EAF1: variants seen among roughly 807,000 people sequenced by gnomAD.
The protein encoded by EAF1 is ELL-associated factor 1.
Under a neutral mutation model 26.6 loss-of-function variants are expected in EAF1, and 19 were observed. The ratio of observed to expected loss-of-function variants is 0.71; its 90% CI spans 0.50 to 1.05. The LOEUF is 1.05. Ranked by LOEUF, EAF1 falls within the 50% of genes least tolerant of loss-of-function variation. The pLI is 0.00. For synonymous variants in EAF1, 102 were observed against 120.6 expected, an observed-to-expected ratio of 0.85 and a Z score of 1.01; for missense variants, 260 against 335.5, an observed-to-expected ratio of 0.78 and a Z score of 1.76.
At chr3:15,436,089 C>G (rs1000834096) in intron 4 of EAF1, 8 of 303,764 alleles carry the variant, frequency 2.6e-5, no homozygotes, top group African/African-American at 1.7e-4. Flanking sequence ...CACAGAACAG[C>G]CATTATTCTG....
chr3:15,433,870 G>T (rs1243554734), intron 3 of EAF1, among the ~76,000 whole-genome samples: 3 of 152,122 alleles, frequency 2.0e-5, no homozygotes, highest in African/African-American at 7.2e-5. Flanking sequence ...TCAAGTAGGG[G>T]GAATGACTGA....
rs1049703756 is a variant in EAF1 at position 15,442,219 on chromosome 3, G to A, written c.*3064G>A. 1 of 152,300 alleles carries A rather than the reference G, an allele frequency of 6.6e-6. No homozygotes were observed. Among genetic ancestry groups the A allele is most frequent in the African/African-American group, 2.4e-5 (1 of 41,300 alleles). 9.4% of individuals were successfully genotyped at this position (152,300 alleles called of 1,614,324 possible). A position where few individuals can be genotyped will look rare whatever the true frequency, so the allele number is the denominator to read the frequency against. On this transcript the variant is annotated 3_prime_UTR_variant, in exon 6 of 6. Coordinates refer to ENST00000396842, the MANE Select transcript of EAF1 (RefSeq NM_033083.7). ...GGCTGGTTCAGCAGGGTGTGTGTGTGTGTGTGTGTGTGTGTGTATGAATGG... is the reference window on the plus strand; with the variant it reads ...GGCTGGTTCAGCAGGGTGTGTGTGTATGTGTGTGTGTGTGTGTATGAATGG...
chr3:15,432,018 C>G (rs2061804923), intron 2 of EAF1, 69 bp from the exon 3 acceptor site: 1 of 1,511,804 alleles, frequency 6.6e-7, no homozygotes, highest in African/African-American at 1.4e-5. Context: ...GTGGAGTCAT[C>G]TATAAATTCA....
intron 3 of EAF1, among the ~76,000 whole-genome samples, chr3:15,433,584 A>G (rs1397629509): frequency 6.6e-6 from 1 of 152,254 alleles, no homozygotes; most frequent in Non-Finnish European, 1.5e-5. Context: ...TTGTTAACTG[A>G]TAGAATATTC....
intron 1 of EAF1, among the ~76,000 whole-genome samples, chr3:15,428,512 CCGGGCT>C (rs1482793305): frequency 6.6e-6 from 1 of 152,164 alleles, no homozygotes; most frequent in Non-Finnish European, 1.5e-5. Flanking sequence ...CCTATACCAC[CCGGGCT>C]TTTCCTCCAG....
chr3:15,434,303 C>G, intron 3 of EAF1, 45 bp from the exon 4 acceptor site: 1 of 1,595,496 alleles, frequency 6.3e-7, no homozygotes, highest in Non-Finnish European at 8.6e-7. Flanking sequence ...AATTTGAGAA[C>G]CACTATTTTT....
chr3:15,435,052 G>A (rs1474952479), intron 4 of EAF1, among the ~76,000 whole-genome samples: 2 of 152,170 alleles, frequency 1.3e-5, no homozygotes, highest in African/African-American at 2.4e-5. Flanking sequence ...GGTAGCTACT[G>A]AACTCCAGCC....
At chr3:15,431,135 A>G (rs963829877) in intron 2 of EAF1, among the ~76,000 whole-genome samples, 26 of 152,238 alleles carry the variant, frequency 1.7e-4, no homozygotes, top group African/African-American at 6.3e-4. Context: ...TATTCTAAGC[A>G]AGGCATTAAA....
chr3:15,435,990 T>G lies in EAF1; in HGVS notation c.527-352T>G, dbSNP rs145290271. ...TTTACATAATATTTGTCTTCTCTTA[T>G]GTGGGAATTATGGTTTTATCCCATA... On this transcript the variant is annotated intron_variant, in intron 4 of 5. Coordinates refer to ENST00000396842, the MANE Select transcript of EAF1 (RefSeq NM_033083.7). 3.7e-4 allele frequency among the ~76,000 whole-genome samples: 57 copies of G among 152,384 alleles called. 1 individual carries two copies. The highest frequency in any genetic ancestry group is 1.3e-3 in the African/African-American group (54 of 41,590).
chr3:15,433,434 T>C (rs905919269), intron 3 of EAF1, among the ~76,000 whole-genome samples: 2 of 152,156 alleles, frequency 1.3e-5, no homozygotes, highest in Admixed American at 6.5e-5. Context: ...CAGTGTGATA[T>C]GGGAACTAAC....
intron 1 of EAF1, among the ~76,000 whole-genome samples, chr3:15,429,349 A>AAC (rs1553632694): frequency 4.8e-4 from 72 of 151,500 alleles, no homozygotes; most frequent in African/African-American, 1.1e-3. Context: ...AAAAAAAAAA[A>AAC]AAACAAAAAA....
chr3:15,429,008 TC>T (rs2061779806), intron 1 of EAF1, among the ~76,000 whole-genome samples: 1 of 152,218 alleles, frequency 6.6e-6, no homozygotes, highest in Non-Finnish European at 1.5e-5. Flanking sequence ...GTTGATGTTT[TC>T]TTTTGGTGAA....
intron 2 of EAF1, among the ~76,000 whole-genome samples, chr3:15,430,453 C>T (rs2061795655): frequency 9.1e-6 from 1 of 110,254 alleles, no homozygotes; most frequent in South Asian, 2.8e-4. Context: ...GAGTGAGACT[C>T]CCCCTCAAAA....
chr3:15,437,665 A>T (rs1474982302), intron 5 of EAF1, among the ~76,000 whole-genome samples: 1 of 152,184 alleles, frequency 6.6e-6, no homozygotes, highest in Admixed American at 6.5e-5. Flanking sequence ...AGGTGAACAG[A>T]GGGCTAATTT....
At chr3:15,436,119 T>A (rs2061833270) in intron 4 of EAF1, 1 of 374,786 alleles carries the variant, frequency 2.7e-6, no homozygotes, top group African/African-American at 2.0e-5. Context: ...TGCTTTTTAT[T>A]TATTTTGAGT....
intron 2 of EAF1, 57 bp downstream of exon 2, chr3:15,430,064 A>C (rs1287374411): frequency 8.1e-7 from 1 of 1,234,338 alleles, no homozygotes; most frequent in Admixed American, 2.3e-5. Context: ...TTTGTCTTTT[A>C]TATTATTGCA....
chr3:15,438,062 G>C (rs116134489), intron 5 of EAF1, among the ~76,000 whole-genome samples: 2,474 of 152,236 alleles, frequency 0.016, 52 homozygotes, highest in African/African-American at 0.055. Context: ...GTTAGAAAAG[G>C]GGTGACCTCA....
intron 5 of EAF1, chr3:15,436,800 G>A (rs959525049): frequency 2.3e-6 from 1 of 428,480 alleles, no homozygotes; most frequent in Non-Finnish European, 4.1e-6. Flanking sequence ...ACCGGTGTTT[G>A]TGAATTCTAG....
rs2061844181 is a variant in EAF1, at chr3:15,437,798, G to A, written c.760+1223G>A. ...TAACCTAGTTAATCCAACTATTGTG[G>A]ACCAGGCAGAGATAATCTCAACCTC... is the stretch of plus-strand genomic sequence containing the variant. On this transcript the variant is annotated intron_variant, in intron 5 of 5. Transcript: ENST00000396842. Among the ~76,000 whole-genome samples the A allele has an allele frequency of 2.0e-5, 3 of 152,082 alleles. No homozygotes were observed. The South Asian group carries it at 6.2e-4, about 32-fold the overall frequency.
Sources: gnomAD v4.1 joint callset for allele counts (sites outside exome capture counted in the v4.1 genomes callset) on GRCh38, gnomAD v4.1.1 for gene constraint, MANE v1.5 for transcripts, NCBI Gene and HGNC (gene_info 2026-07-23, HGNC 2026-07-21) for gene names.